Variants in SHISAL1 observed in about 807,000 individuals in gnomAD.
SHISAL1 encodes protein shisa-like-1.
SHISAL1 carries 9 observed loss-of-function variants against 22.6 expected under a neutral mutation model. The ratio of observed to expected loss-of-function variants is 0.40; its 90% CI spans 0.24 to 0.70. The LOEUF (loss-of-function observed/expected upper bound fraction) is 0.70, where lower values mean the gene tolerates loss of function less well. Among genes scored for constraint, SHISAL1 ranks in the 30% least tolerant of loss-of-function variants. The probability of loss-of-function intolerance (pLI) is 0.39; values close to 1 mark genes in which losing one functional copy is unlikely to be tolerated. For synonymous variants in SHISAL1, 119 were observed against 115.4 expected, an observed-to-expected ratio of 1.03 and a Z score of -0.20; for missense variants, 246 against 270.6, an observed-to-expected ratio of 0.91 and a Z score of 0.64.
Position 44,245,611 on chromosome 22 carries a change from GGGGCCTGCCTGGGGAT to G in SHISAL1, c.*4058_*4073del, listed in dbSNP as rs2054993036. On this transcript the variant is annotated 3_prime_UTR_variant, in exon 5 of 5. Transcript: ENST00000381176. The stretch of plus-strand genomic sequence containing the variant: ...TTGTGAAAGCAGCCGAGCCAGCGGA[GGGGCCTGCCTGGGGAT>G]GGCAGCTGGAATCCTGAGCCAACCT... The G allele has an allele frequency of 6.6e-6, 1 of 152,580 alleles. No individual in the cohort carries two copies. The highest frequency in any genetic ancestry group is 1.5e-5 in the Non-Finnish European group (1 of 68,330). 9.5% of individuals were successfully genotyped at this position (152,580 alleles called of 1,614,324 possible).
intron 4 of SHISAL1, among the ~76,000 whole-genome samples, chr22:44,250,032 A>T (rs2055036467): frequency 6.6e-6 from 1 of 152,240 alleles, no homozygotes; most frequent in African/African-American, 2.4e-5. Context: ...GTGCAGACAT[A>T]GACGTATAAT....
intron 4 of SHISAL1, among the ~76,000 whole-genome samples, chr22:44,284,287 G>A (rs1358658819): frequency 6.6e-6 from 1 of 152,134 alleles, no homozygotes; most frequent in Non-Finnish European, 1.5e-5. Flanking sequence ...CCAGGTAGGT[G>A]CACAGTTAAT....
At chr22:44,316,449 C>T (rs2055559202), upstream of SHISAL1, among the ~76,000 whole-genome samples, 1 of 152,270 alleles carries the variant, frequency 6.6e-6, no homozygotes, top group African/African-American at 2.4e-5. Context: ...TCCCAGCTTT[C>T]CAGGGTGTTC....
intron 3 of SHISAL1, among the ~76,000 whole-genome samples, chr22:44,290,071 G>A (rs558033822): frequency 2.0e-5 from 3 of 152,356 alleles, no homozygotes; most frequent in African/African-American, 7.2e-5. Context: ...TCAGCAGGAA[G>A]AGCAGCTGCA....
intron 3 of SHISAL1, among the ~76,000 whole-genome samples, chr22:44,286,874 C>G (rs981369105): frequency 6.6e-6 from 1 of 152,238 alleles, no homozygotes; most frequent in Non-Finnish European, 1.5e-5. Flanking sequence ...TTAATCACTC[C>G]GGCGCCGCCT....
In SHISAL1 at chr22:44,306,788, G is replaced by A. The variant is rs566644615; in HGVS notation, c.-32-5811C>T. The stretch of plus-strand genomic sequence containing the variant: ...CGATGGCGTGTGCGGAGGGGACCTG[G>A]GCTCGGGGAATTGTGATGACGACGG... On this transcript the variant is annotated intron_variant, in intron 1 of 4. Transcript: ENST00000381176. Among the ~76,000 whole-genome samples, 135 of 139,538 alleles carry A rather than the reference G, an allele frequency of 9.7e-4. 3 individuals carry two copies. Among genetic ancestry groups the A allele is most frequent in the African/African-American group, 3.5e-3 (127 of 36,718 alleles). The allele number at this position is 139,538 out of a possible 152,430, so 91.5% of individuals were successfully genotyped here. A position where few individuals can be genotyped will look rare whatever the true frequency, so the allele number is the denominator to read the frequency against.
chr22:44,274,568 C>T (rs754767384), intron 4 of SHISAL1, among the ~76,000 whole-genome samples: 4 of 152,144 alleles, frequency 2.6e-5, no homozygotes, highest in Non-Finnish European at 5.9e-5. Context: ...AAAAATTATA[C>T]GTTGTATAAA....
intron 1 of SHISAL1, among the ~76,000 whole-genome samples, chr22:44,308,610 T>A (rs1324154352): frequency 1.3e-5 from 2 of 152,170 alleles, no homozygotes; most frequent in Non-Finnish European, 1.5e-5. Flanking sequence ...ACACTCTGAC[T>A]TCCCCCGTCC....
chr22:44,302,995 C>G (rs1057464707), intron 1 of SHISAL1, among the ~76,000 whole-genome samples: 1 of 152,120 alleles, frequency 6.6e-6, no homozygotes, highest in East Asian at 1.9e-4. Flanking sequence ...GGGCTTTGGG[C>G]CCTGAGGGGA....
chr22:44,266,528 A>ATGTGTGTATGTGTG (rs1555926299), intron 4 of SHISAL1, among the ~76,000 whole-genome samples: 41 of 108,418 alleles, frequency 3.8e-4, no homozygotes, highest in African/African-American at 1.5e-3. Flanking sequence ...GCTTTGGGGT[A>ATGTGTGTATGTGTG]TGTGTGTGTG....
chr22:44,266,780 A>G (rs983789750), intron 4 of SHISAL1, among the ~76,000 whole-genome samples: 1 of 151,608 alleles, frequency 6.6e-6, no homozygotes, highest in African/African-American at 2.4e-5. Flanking sequence ...ACTCCCTCAT[A>G]CCCCACTCAG....
chr22:44,298,932 G>T (rs1039801382), intron 2 of SHISAL1, among the ~76,000 whole-genome samples: 2 of 152,242 alleles, frequency 1.3e-5, no homozygotes, highest in East Asian at 3.9e-4. Context: ...ACAGAGCCCT[G>T]GGCTGGGAGC....
At chr22:44,303,415 T>A (rs968151633) in intron 1 of SHISAL1, among the ~76,000 whole-genome samples, 1 of 152,018 alleles carries the variant, frequency 6.6e-6, no homozygotes, top group Admixed American at 6.5e-5. Flanking sequence ...TGGTGTTTTT[T>A]ATAAAAAGGG....
chr22:44,265,731 G>A (rs1371328638), intron 4 of SHISAL1, among the ~76,000 whole-genome samples: 1 of 152,228 alleles, frequency 6.6e-6, no homozygotes, highest in East Asian at 1.9e-4. Flanking sequence ...TGCAGATTGT[G>A]CATCTGGACA....
At chr22:44,283,052 G>A (rs560387021) in intron 4 of SHISAL1, among the ~76,000 whole-genome samples, 4 of 152,298 alleles carry the variant, frequency 2.6e-5, no homozygotes, top group East Asian at 1.9e-4. Context: ...CCCCTCTCAC[G>A]TTGGTTCCTC....
At chr22:44,261,995 G>GT (rs61621322) in intron 4 of SHISAL1, among the ~76,000 whole-genome samples, 70,452 of 151,774 alleles carry the variant, frequency 0.46, 16,738 homozygotes, top group South Asian at 0.54. Context: ...CCTGGGCTGG[G>GT]GGCTCAGAAC....
intron 3 of SHISAL1, among the ~76,000 whole-genome samples, chr22:44,294,897 T>A (rs535552860): frequency 6.6e-6 from 1 of 152,314 alleles, no homozygotes; most frequent in South Asian, 2.1e-4. Flanking sequence ...AATATATGTC[T>A]AATATCTATA....
chr22:44,298,091 C>G (rs974430865), intron 2 of SHISAL1, among the ~76,000 whole-genome samples: 1 of 152,228 alleles, frequency 6.6e-6, no homozygotes, highest in African/African-American at 2.4e-5. Flanking sequence ...AGACAGCACC[C>G]TCTTCTGTGG....
chr22:44,306,588 T>C (rs1418160976), intron 1 of SHISAL1, among the ~76,000 whole-genome samples: 2 of 45,404 alleles, frequency 4.4e-5, no homozygotes, highest in African/African-American at 5.9e-5. Context: ...GTGATGACGA[T>C]GGCATGTGTG....
Sources: allele counts gnomAD v4.1 joint callset (sites outside exome capture counted in the v4.1 genomes callset), GRCh38; gene constraint gnomAD v4.1.1; transcripts MANE v1.5; gene names NCBI Gene and HGNC (gene_info 2026-07-23, HGNC 2026-07-21).